BRD4: variants seen among roughly 807,000 people sequenced by gnomAD.
BRD4 encodes the protein bromodomain-containing protein 4.
Under a neutral mutation model 142.1 loss-of-function variants are expected in BRD4, and 16 were observed. The ratio of observed to expected loss-of-function variants is 0.11; its 90% CI spans 0.08 to 0.17. BRD4 has a LOEUF of 0.17. Among genes scored for constraint, BRD4 ranks in the 10% least tolerant of loss-of-function variants. BRD4 has a pLI of 1.00. For synonymous variants in BRD4, 833 were observed against 707.5 expected, an observed-to-expected ratio of 1.18 and a Z score of -2.82; for missense variants, 1,424 against 1,810.9, an observed-to-expected ratio of 0.79 and a Z score of 3.88.
chr19:15,331,412 C>T (rs547689769), intron 1 of BRD4, among the ~76,000 whole-genome samples: 1 of 152,318 alleles, frequency 6.6e-6, no homozygotes, highest in Admixed American at 6.5e-5. Flanking sequence ...CAAATCACCA[C>T]AATCACCACC....
At chr19:15,328,529 CG>C (rs1187689192) in intron 1 of BRD4, among the ~76,000 whole-genome samples, 5 of 152,178 alleles carry the variant, frequency 3.3e-5, no homozygotes, top group Non-Finnish European at 7.3e-5. Flanking sequence ...GGGACCCCAG[CG>C]TTATCTTAGT....
At position 15,255,605 on chromosome 19, in the gene BRD4, G is replaced by A. The variant is rs756532782; in HGVS notation, c.1752-13C>T. On this transcript the variant is annotated splice_polypyrimidine_tract_variant and intron_variant, in intron 9 of 19. Coordinates refer to ENST00000679869, the MANE Select transcript of BRD4 (RefSeq NM_001379291.1). ...TGGCTCCTTCTTGCTACGAAGGGACGATGCAGACACCATCAAGAACGGGCC... is the reference window on the plus strand; with the variant it reads ...TGGCTCCTTCTTGCTACGAAGGGACAATGCAGACACCATCAAGAACGGGCC... 1.3e-5 allele frequency: 20 copies of A among 1,590,386 alleles called. No individual in the cohort carries two copies. In the Middle Eastern group the frequency reaches 5.0e-4, roughly 40 times the overall value.
intron 1 of BRD4, among the ~76,000 whole-genome samples, chr19:15,281,164 C>A (rs531406645): frequency 6.6e-6 from 1 of 152,264 alleles, no homozygotes; most frequent in Non-Finnish European, 1.5e-5. Flanking sequence ...AGTGGCCGTG[C>A]GCCGAGGCAG....
chr19:15,269,447 T>A (rs536768299), intron 2 of BRD4, among the ~76,000 whole-genome samples: 2 of 152,336 alleles, frequency 1.3e-5, no homozygotes, highest in Middle Eastern at 3.4e-3. Context: ...CTTGTCCCAT[T>A]TGAAATTTTA....
rs1413342438 is a variant in BRD4 at position 15,236,977 on chromosome 19, T to C, written c.*1400A>G. The C allele has an allele frequency of 5.1e-6, 1 of 196,676 alleles. No individual in the cohort carries two copies. The highest frequency in any genetic ancestry group is 1.0e-5 in the Non-Finnish European group (1 of 98,604). The allele number at this position is 196,676 out of a possible 1,614,324, so 12.2% of individuals were successfully genotyped here. The stretch of plus-strand genomic sequence containing the variant: ...CGTCGTGGTGTAGAGTGGGTTCTCA[T>C]GGCACGCGTAACCTCACCAGGGGCT... On this transcript the variant is annotated 3_prime_UTR_variant, in exon 20 of 20. Coordinates refer to ENST00000679869, the MANE Select transcript of BRD4 (RefSeq NM_001379291.1).
rs2145502320 is a variant in BRD4, at chr19:15,239,794, G to A, written c.3310C>T (p.Pro1104Ser). 6.2e-7 allele frequency: 1 copy of A among 1,613,282 alleles called. No individual in the cohort carries two copies. Among genetic ancestry groups the A allele is most frequent in the African/African-American group, 1.3e-5 (1 of 75,046 alleles). Residue 1104 changes from proline to serine, a missense_variant, in exon 16 of 20, where the codon CCC becomes TCC. Physicochemically the swap from Pro to Ser is moderately conservative, Grantham distance 74. Around this residue, in one of 16 missense-constraint regions of BRD4, gnomAD observed 598 missense variants for 647.8 expected, o/e 0.92. Coordinates refer to ENST00000679869, the MANE Select transcript of BRD4 (RefSeq NM_001379291.1). This position sits in a 1 kb window ranked among gnomAD's most constrained non-coding sequence, Gnocchi z 7.4. ...TCCTTCACCACCACGAGGGGCTGGG[G>A]CTGGACCACGGAGGCAGCACGCAGC... is the stretch of plus-strand genomic sequence containing the variant. ...QELRAASVVQPQPLVVVKEEK... is the reference protein window; with the variant it reads ...QELRAASVVQSQPLVVVKEEK...
At position 15,256,184 on chromosome 19, in the gene BRD4, T is replaced by G; in HGVS notation, c.1631A>C (p.Lys544Thr). ...NKPKKKEKDK[K>T]EKKKEKHKRK... ...TTTGTGCTTTTCTTTTTTCTTTTCC[T>G]TCTTGTCTTTCTCCTTTTTCTTTGG... is the stretch of plus-strand genomic sequence containing the variant. The change falls in exon 9 of 20, where the codon AAG becomes ACG. Residue 544 changes from lysine (K) to threonine (T), a missense_variant. Physicochemically the swap from Lys to Thr is moderately conservative, Grantham distance 78 (BLOSUM62 -1). This residue lies in a region of BRD4 where 86 missense variants were observed against 78.9 expected (regional missense o/e 1.09). Transcript: ENST00000679869. 1.9e-6 allele frequency: 3 copies of G among 1,613,114 alleles called. No homozygotes were observed. The highest frequency in any genetic ancestry group is 2.5e-6 in the Non-Finnish European group (3 of 1,180,014).
intron 11 of BRD4, chr19:15,249,316 T>C (rs771655479): frequency 4.3e-6 from 7 of 1,613,926 alleles, no homozygotes; most frequent in African/African-American, 1.3e-5. Flanking sequence ...GAGAAACCAG[T>C]GTGAGAGAAA....
Position 15,244,610 on chromosome 19 carries a change from GAGAGACAGAC to G in BRD4, c.2212-20_2212-11del. ...GGTGGTGATGATGGTGCTGCAGACAGAGAGACAGACAGACAGACAGGCTGATGTCAGGCAG... is the reference window on the plus strand; with the variant it reads ...GGTGGTGATGATGGTGCTGCAGACAGAGACAGACAGGCTGATGTCAGGCAG... On this transcript the variant is annotated splice_polypyrimidine_tract_variant and intron_variant, in intron 12 of 19. Coordinates refer to ENST00000679869, the MANE Select transcript of BRD4 (RefSeq NM_001379291.1). 1 of 1,613,072 alleles carries G rather than the reference GAGAGACAGAC, an allele frequency of 6.2e-7. No individual in the cohort carries two copies. The highest frequency in any genetic ancestry group is 1.3e-5 in the African/African-American group (1 of 75,040).
intron 1 of BRD4, among the ~76,000 whole-genome samples, chr19:15,278,485 A>C (rs985280470): frequency 6.9e-6 from 1 of 145,810 alleles, no homozygotes; most frequent in African/African-American, 2.5e-5. Context: ...CAGTGAGCAG[A>C]GATTGTGCCA....
chr19:15,242,984 G>C lies in BRD4; in HGVS notation c.3085C>G (p.Pro1029Ala). 6.3e-7 allele frequency: 1 copy of C among 1,581,112 alleles called. No individual in the cohort carries two copies. The highest frequency in any genetic ancestry group is 8.6e-7 in the Non-Finnish European group (1 of 1,165,940). ...PPHPPPGQQP[P>A]PPQPAKPQQV... ...TGAGGCTTGGCAGGCTGCGGCGGGG[G>C]TGGCTGCTGGCCTGGGGGCGGATGG... Residue 1029 changes from proline (P) to alanine (A), a missense_variant, in exon 14 of 20, where the codon CCC becomes GCC. Pro to Ala is a conservative substitution (Grantham distance 27). This residue lies in a region of BRD4 where 598 missense variants were observed against 647.8 expected (regional missense o/e 0.92). Transcript: ENST00000679869.
At chr19:15,288,985 A>G (rs1426148956) in intron 1 of BRD4, among the ~76,000 whole-genome samples, 3 of 152,222 alleles carry the variant, frequency 2.0e-5, no homozygotes, top group African/African-American at 7.2e-5. Context: ...AGAGTTAAAC[A>G]AAGTCAGCTA....
intron 1 of BRD4, among the ~76,000 whole-genome samples, chr19:15,327,885 G>A (rs772001821): frequency 1.6e-5 from 2 of 125,664 alleles, no homozygotes; most frequent in East Asian, 5.8e-4. Context: ...GGGTGGGCAG[G>A]AGCATGGGGA....
Position 15,239,734 on chromosome 19 carries a change from G to A in BRD4, c.3370C>T (p.Pro1124Ser). The A allele has an allele frequency of 6.2e-7, 1 of 1,605,464 alleles. No homozygotes were observed. The highest frequency in any genetic ancestry group is 1.1e-5 in the South Asian group (1 of 91,030). The change falls in exon 16 of 20, where the codon CCC becomes TCC. Residue 1124 changes from proline (P) to serine (S), a missense_variant. Coordinates refer to ENST00000679869, the MANE Select transcript of BRD4 (RefSeq NM_001379291.1). This position sits in a 1 kb window ranked among gnomAD's most constrained non-coding sequence, Gnocchi z 7.4. ...TCCGGCCGCAGCGAGGGGCTGAAGGGCTCGCTGCGGATGATGGGTGAGTGG... is the reference window on the plus strand; with the variant it reads ...TCCGGCCGCAGCGAGGGGCTGAAGGACTCGCTGCGGATGATGGGTGAGTGG... ...KIHSPIIRSE[P>S]FSPSLRPEPP...
chr19:15,329,662 C>A (rs1285196670), intron 1 of BRD4, among the ~76,000 whole-genome samples: 1 of 152,158 alleles, frequency 6.6e-6, no homozygotes, highest in East Asian at 1.9e-4. Context: ...TCGCTTGAAC[C>A]CAGGAGGCAG....
intron 1 of BRD4, among the ~76,000 whole-genome samples, chr19:15,302,800 T>C (rs1030333355): frequency 1.3e-5 from 2 of 150,142 alleles, no homozygotes; most frequent in African/African-American, 4.9e-5. Context: ...GGTTAGGAGA[T>C]CGAGACCATC....
chr19:15,327,894 G>C (rs1390450415), intron 1 of BRD4, among the ~76,000 whole-genome samples: 1 of 106,296 alleles, frequency 9.4e-6, no homozygotes, highest in East Asian at 3.4e-4. Flanking sequence ...GGAGCATGGG[G>C]AATGATAGGT....
At position 15,238,502 on chromosome 19, in the gene BRD4, A is replaced by G; in HGVS notation, c.4021-57T>C. On this transcript the variant is annotated intron_variant, in intron 19 of 19. Transcript: ENST00000679869. The surrounding 1 kb of genome is among the most constrained non-coding windows in gnomAD (Gnocchi z 7.2). ...GATGACCTAGCCACCCTGCAGCTACAAGCCCTCATACCCGCTACCAGCAGT... is the reference window on the plus strand; with the variant it reads ...GATGACCTAGCCACCCTGCAGCTACGAGCCCTCATACCCGCTACCAGCAGT... The G allele has an allele frequency of 6.2e-7, 1 of 1,612,000 alleles. No homozygotes were observed. The highest frequency in any genetic ancestry group is 1.3e-5 in the African/African-American group (1 of 75,026).
intron 6 of BRD4, among the ~76,000 whole-genome samples, 171 bp from the exon 7 acceptor site, chr19:15,263,719 C>T (rs2047499838): frequency 6.6e-6 from 1 of 152,190 alleles, no homozygotes; most frequent in African/African-American, 2.4e-5. Context: ...AGCCTCAGGG[C>T]TGGGACTGGC....
Sources: gnomAD v4.1 joint callset for allele counts (sites outside exome capture counted in the v4.1 genomes callset) on GRCh38, gnomAD v4.1.1 for gene constraint, gnomAD v4.1.1 regional missense constraint, Gnocchi (gnomAD v3.1) non-coding constraint, MANE v1.5 for transcripts, NCBI Gene and HGNC (gene_info 2026-07-23, HGNC 2026-07-21) for gene names.